NIPAL2: variants seen among roughly 807,000 people sequenced by gnomAD.
The protein encoded by NIPAL2 is NIPA like domain containing 2, also known as NIPA-like protein 2.
In NIPAL2, 43 loss-of-function variants were observed where a neutral mutation model predicts 48.9. The observed-to-expected ratio is 0.88, with a 90% CI of 0.69 to 1.13. NIPAL2 has a LOEUF of 1.13. Among genes scored for constraint, NIPAL2 ranks in the 50% most tolerant of loss-of-function variants. The pLI is 0.00. For missense variants in NIPAL2, 446 were observed against 461.4 expected (o/e 0.97, Z 0.31); for synonymous variants, 167 against 174.6 (o/e 0.96, Z 0.34).
intron 1 of NIPAL2, among the ~76,000 whole-genome samples, chr8:98,280,761 T>TATATATATATATATATATATATAG: frequency 2.0e-4 from 6 of 30,026 alleles, no homozygotes; most frequent in South Asian, 1.5e-3. Context: ...TATATATATA[T>TATATATATATATATATATATATAG]AGAGAGAGAG....
At position 98,232,985 on chromosome 8, in the gene NIPAL2, C is replaced by T. The variant is rs76203188; in HGVS notation, c.436+3170G>A. 5.3e-5 allele frequency among the ~76,000 whole-genome samples: 8 copies of T among 152,104 alleles called. No individual in the cohort carries two copies. The East Asian group carries it at 9.6e-4, about 18-fold the overall frequency. On this transcript the variant is annotated intron_variant, in intron 4 of 10. Transcript: ENST00000430223. ...TTAAAAGATGAGGAATTAGGCCAGG[C>T]GTGATAGCTCATGCCTGTAATCCCA...
intron 10 of NIPAL2, chr8:98,193,485 G>C: frequency 7.0e-7 from 1 of 1,434,914 alleles, no homozygotes; most frequent in Non-Finnish European, 9.8e-7. Flanking sequence ...AAGCTACTAC[G>C]GAGCCTATGC....
intron 6 of NIPAL2, among the ~76,000 whole-genome samples, chr8:98,210,317 A>T (rs1395301723): frequency 6.6e-6 from 1 of 152,198 alleles, no homozygotes; most frequent in Non-Finnish European, 1.5e-5. Flanking sequence ...ATAATAATTT[A>T]AAAATATGCT....
intron 1 of NIPAL2, among the ~76,000 whole-genome samples, chr8:98,255,293 T>A (rs1035357406): frequency 1.3e-5 from 2 of 152,238 alleles, no homozygotes; most frequent in African/African-American, 4.8e-5. Context: ...AAGTATAATA[T>A]CTGCTATTAG....
At chr8:98,217,226 G>A in intron 5 of NIPAL2, 1 of 985,416 alleles carries the variant, frequency 1.0e-6, no homozygotes, top group Non-Finnish European at 1.2e-6. Flanking sequence ...AAAAGCTCCT[G>A]AGCCTTGTCT....
At chr8:98,238,849 G>A (rs986422195) in intron 3 of NIPAL2, among the ~76,000 whole-genome samples, 12 of 152,160 alleles carry the variant, frequency 7.9e-5, no homozygotes, top group African/African-American at 2.6e-4. Context: ...ATTTGGGATA[G>A]GTATGAAAAT....
At chr8:98,246,888 A>G (rs1395965481) in intron 3 of NIPAL2, among the ~76,000 whole-genome samples, 1 of 152,266 alleles carries the variant, frequency 6.6e-6, no homozygotes, top group Non-Finnish European at 1.5e-5. Flanking sequence ...AGTTAATTTT[A>G]TACTGAGAGA....
At chr8:98,263,455 C>T (rs1340792576) in intron 1 of NIPAL2, among the ~76,000 whole-genome samples, 3 of 148,238 alleles carry the variant, frequency 2.0e-5, no homozygotes, top group South Asian at 2.1e-4. Flanking sequence ...ATATCACCAC[C>T]GATCCCACAG....
At chr8:98,226,584 G>GTC (rs1244340882) in intron 4 of NIPAL2, among the ~76,000 whole-genome samples, 2 of 151,772 alleles carry the variant, frequency 1.3e-5, no homozygotes, top group East Asian at 1.9e-4. Context: ...CAAACAAACA[G>GTC]TCTCTCTCTC....
chr8:98,247,992 T>C (rs1813395178), intron 3 of NIPAL2, among the ~76,000 whole-genome samples: 1 of 152,226 alleles, frequency 6.6e-6, no homozygotes, highest in Non-Finnish European at 1.5e-5. Context: ...CACAAGTGCT[T>C]TGAAGCCAGA....
At chr8:98,242,498 T>TTTTTTTTTTTTG (rs1813046796) in intron 3 of NIPAL2, among the ~76,000 whole-genome samples, 1 of 148,700 alleles carries the variant, frequency 6.7e-6, no homozygotes, top group Non-Finnish European at 1.5e-5. Context: ...ATTTTTTTTT[T>TTTTTTTTTTTTG]TTTTTTTTTA....
In NIPAL2 at chr8:98,192,829, T is replaced by C; in HGVS notation, c.*149A>G. ...CTGTCAGAGCTTAGGAAGTCCCCGATTGTCCATAGACGCTGAGGTGGGGGA... is the reference window on the plus strand; with the variant it reads ...CTGTCAGAGCTTAGGAAGTCCCCGACTGTCCATAGACGCTGAGGTGGGGGA... On this transcript the variant is annotated 3_prime_UTR_variant, in exon 11 of 11. Coordinates refer to ENST00000430223, the MANE Select transcript of NIPAL2 (RefSeq NM_001321635.2). 5 of 623,038 alleles carry C rather than the reference T, an allele frequency of 8.0e-6. No homozygotes were observed. Among genetic ancestry groups the C allele is most frequent in the Admixed American group, 2.7e-5 (1 of 36,574 alleles). 38.6% of individuals were successfully genotyped at this position (623,038 alleles called of 1,614,324 possible).
intron 1 of NIPAL2, among the ~76,000 whole-genome samples, chr8:98,256,681 A>T (rs1219346342): frequency 6.6e-6 from 1 of 152,190 alleles, no homozygotes; most frequent in African/African-American, 2.4e-5. Context: ...AGAAACTGGA[A>T]CACTTGTGCA....
At chr8:98,204,976 G>T in intron 7 of NIPAL2, 135 bp downstream of exon 7, 1 of 918,806 alleles carries the variant, frequency 1.1e-6, no homozygotes, top group Non-Finnish European at 1.7e-6. Flanking sequence ...TGTTGGCTGA[G>T]GACAAGCTAC....
intron 1 of NIPAL2, among the ~76,000 whole-genome samples, chr8:98,286,676 G>A (rs1318176941): frequency 6.6e-6 from 1 of 151,920 alleles, no homozygotes; most frequent in Non-Finnish European, 1.5e-5. Flanking sequence ...GGGCGTGGTG[G>A]TACACGCCTG....
At chr8:98,206,590 T>A (rs1811051237) in intron 6 of NIPAL2, among the ~76,000 whole-genome samples, 2 of 151,700 alleles carry the variant, frequency 1.3e-5, no homozygotes. Context: ...ATCGAGACCA[T>A]CCCCTGGCTA....
rs565312122 is a variant in NIPAL2 at position 98,229,675 on chromosome 8, G to T, written c.436+6480C>A. ...TTACACGTGTGAGCCACTATGCCCA[G>T]CCAGTAATAATTTTTTTTAGGTGAT... On this transcript the variant is annotated intron_variant, in intron 4 of 10. Transcript: ENST00000430223. Among the ~76,000 whole-genome samples the T allele has an allele frequency of 4.6e-5, 7 of 152,276 alleles. No homozygotes were observed. In the South Asian group the frequency reaches 1.4e-3, roughly 32 times the overall value.
chr8:98,239,149 A>G (rs534721575), intron 3 of NIPAL2, among the ~76,000 whole-genome samples: 1 of 152,366 alleles, frequency 6.6e-6, no homozygotes, highest in Non-Finnish European at 1.5e-5. Flanking sequence ...CATTGCTTAC[A>G]TGGAATGAGA....
chr8:98,241,907 G>A (rs1812999963), intron 3 of NIPAL2, among the ~76,000 whole-genome samples: 1 of 152,128 alleles, frequency 6.6e-6, no homozygotes, highest in African/African-American at 2.4e-5. Flanking sequence ...GCTGAGGCTT[G>A]GAGAGTTTAA....
Sources: allele counts gnomAD v4.1 joint callset (sites outside exome capture counted in the v4.1 genomes callset), GRCh38; gene constraint gnomAD v4.1.1; transcripts MANE v1.5; gene names NCBI Gene and HGNC (gene_info 2026-07-23, HGNC 2026-07-21).